Variants in CRYBG3 observed in about 807,000 individuals in gnomAD.
The protein encoded by CRYBG3 is very large A-kinase anchor protein.
CRYBG3 carries 127 observed loss-of-function variants against 244.2 expected under a neutral mutation model. That is an observed-to-expected ratio of 0.52 (90% CI 0.45 to 0.60). The LOEUF (loss-of-function observed/expected upper bound fraction) is 0.60, where lower values mean the gene tolerates loss of function less well. CRYBG3 is among the 20% of genes least tolerant of loss of function. The pLI is 0.00. For missense variants in CRYBG3, 3,325 were observed against 3,442.5 expected (o/e 0.97, Z 0.85); for synonymous variants, 1,132 against 1,195.8 (o/e 0.95, Z 1.10).
chr3:97,914,407 A>G (rs2039905102), intron 16 of CRYBG3, among the ~76,000 whole-genome samples: 1 of 152,160 alleles, frequency 6.6e-6, no homozygotes, highest in Admixed American at 6.6e-5. Flanking sequence ...CTGGAGGAAA[A>G]TGTATTTTTC....
At chr3:97,844,633 G>C (rs568595469) in intron 2 of CRYBG3, among the ~76,000 whole-genome samples, 9 of 151,982 alleles carry the variant, frequency 5.9e-5, no homozygotes, top group African/African-American at 2.2e-4. Context: ...GCTTATTTTA[G>C]CTATACTTTC....
chr3:97,902,495 A>T (rs905341480), intron 15 of CRYBG3, among the ~76,000 whole-genome samples: 13 of 82,378 alleles, frequency 1.6e-4, no homozygotes, highest in African/African-American at 4.4e-4. Flanking sequence ...TATTTCTTCT[A>T]AAAAAAAAAA....
intron 15 of CRYBG3, among the ~76,000 whole-genome samples, chr3:97,908,643 C>G (rs888545259): frequency 2.0e-5 from 3 of 152,158 alleles, no homozygotes. Context: ...ATGTGTGTCT[C>G]TGCACATGAG....
chr3:97,905,714 A>G (rs1267818301), intron 15 of CRYBG3, among the ~76,000 whole-genome samples: 3 of 132,198 alleles, frequency 2.3e-5, no homozygotes, highest in African/African-American at 5.4e-5. Context: ...CTCTGATGGT[A>G]GTTTCTTTTG....
intron 1 of CRYBG3, among the ~76,000 whole-genome samples, chr3:97,828,590 G>T (rs1446892691): frequency 6.6e-6 from 1 of 150,730 alleles, no homozygotes; most frequent in Admixed American, 6.6e-5. Context: ...ACTTTGGGAG[G>T]CCAAGGCGGG....
Position 97,853,905 on chromosome 3 carries a change from A to G in CRYBG3, c.217-10312A>G, listed in dbSNP as rs112236939. On this transcript the variant is annotated intron_variant, in intron 2 of 21. Transcript: ENST00000389622. ...TAGTGATGAACTCTCTGCCTAAGTC[A>G]ATGTCTGGAAGAGTCTTATGGATTT... 5.9e-5 allele frequency among the ~76,000 whole-genome samples: 9 copies of G among 152,226 alleles called. 1 individual carries two copies. Among genetic ancestry groups the G allele is most frequent in the African/African-American group, 2.2e-4 (9 of 41,544 alleles).
intron 9 of CRYBG3, 120 bp from the exon 10 acceptor site, chr3:97,889,231 TTGAC>T (rs1258114545): frequency 2.7e-6 from 2 of 743,134 alleles, no homozygotes; most frequent in Non-Finnish European, 2.2e-6. Flanking sequence ...CAATTTGAAT[TTGAC>T]TGGTGTGTAA....
intron 1 of CRYBG3, among the ~76,000 whole-genome samples, chr3:97,837,389 C>G (rs1171744178): frequency 6.6e-6 from 1 of 152,038 alleles, no homozygotes; most frequent in Non-Finnish European, 1.5e-5. Context: ...GTGAGTGGAC[C>G]AGGCTTCTGG....
At position 97,942,407 on chromosome 3, in the gene CRYBG3, T is replaced by G. The variant is rs1340829159; in HGVS notation, c.8788T>G (p.Ser2930Ala). Reference sequence around the variant, plus strand: ...ACTGAATAAAAATGGAACTATCAGCTCTTATCTCAGTGATCAACTTGTCCT... The same window carrying G: ...ACTGAATAAAAATGGAACTATCAGCGCTTATCTCAGTGATCAACTTGTCCT... ...WRLNKNGTISSYLSDQLVLDV... is the reference protein window; with the variant it reads ...WRLNKNGTISAYLSDQLVLDV... Residue 2930 changes from serine (S) to alanine (A), a missense_variant, in exon 21 of 22, where the codon TCT becomes GCT. This residue lies in a region of CRYBG3 where 714 missense variants were observed against 803.6 expected (regional missense o/e 0.89). Coordinates refer to ENST00000389622, the MANE Select transcript of CRYBG3 (RefSeq NM_153605.4). 1.9e-6 allele frequency: 3 copies of G among 1,611,640 alleles called. No homozygotes were observed. In the South Asian group the frequency reaches 3.3e-5, roughly 18 times the overall value.
intron 19 of CRYBG3, among the ~76,000 whole-genome samples, chr3:97,940,630 T>C (rs1283691834): frequency 1.3e-5 from 2 of 152,056 alleles, no homozygotes; most frequent in African/African-American, 2.4e-5. Context: ...TGGTCTCTAC[T>C]TTTGAAGAAA....
At chr3:97,912,866 A>AT (rs916001268) in intron 16 of CRYBG3, among the ~76,000 whole-genome samples, 4 of 152,094 alleles carry the variant, frequency 2.6e-5, no homozygotes. Context: ...ATATTCTACA[A>AT]TTTTTTTATT....
chr3:97,934,827 C>T (rs1408612753), intron 18 of CRYBG3, among the ~76,000 whole-genome samples: 7 of 152,204 alleles, frequency 4.6e-5, no homozygotes, highest in African/African-American at 1.7e-4. Flanking sequence ...TTTTACATCC[C>T]TGTGATATAG....
At chr3:97,848,661 A>G (rs560900027) in intron 2 of CRYBG3, among the ~76,000 whole-genome samples, 1 of 152,310 alleles carries the variant, frequency 6.6e-6, no homozygotes, top group Non-Finnish European at 1.5e-5. Flanking sequence ...CCTGGGCTCA[A>G]GCAATTCGCT....
At chr3:97,842,289 G>A (rs1014038942) in intron 1 of CRYBG3, among the ~76,000 whole-genome samples, 2 of 152,268 alleles carry the variant, frequency 1.3e-5, no homozygotes, top group East Asian at 3.9e-4. Flanking sequence ...GAAGCTGGGC[G>A]TAGTGACTCC....
chr3:97,839,206 TGG>T (rs1482043056), intron 1 of CRYBG3, among the ~76,000 whole-genome samples: 1 of 152,158 alleles, frequency 6.6e-6, no homozygotes, highest in Non-Finnish European at 1.5e-5. Flanking sequence ...GAACAGATTG[TGG>T]TCTCTCATGA....
chr3:97,904,651 C>A lies in CRYBG3; in HGVS notation c.8004+4166C>A, dbSNP rs1005063154. On this transcript the variant is annotated intron_variant, in intron 15 of 21. Transcript: ENST00000389622. Reference sequence around the variant, plus strand: ...AAGACAACCTGTCTCTCTTCTCATGCGGCTTTTCTTTTATTTTTATTTTTT... The same window carrying A: ...AAGACAACCTGTCTCTCTTCTCATGAGGCTTTTCTTTTATTTTTATTTTTT... Among the ~76,000 whole-genome samples, 2 of 150,696 alleles carry A rather than the reference C, an allele frequency of 1.3e-5. 1 individual carries two copies. Among genetic ancestry groups the A allele is most frequent in the South Asian group, 4.2e-4 (2 of 4,718 alleles).
At position 97,916,536 on chromosome 3, in the gene CRYBG3, A is replaced by C. The variant is rs831876; in HGVS notation, c.8241+800A>C. 2.5e-3 allele frequency among the ~76,000 whole-genome samples: 383 copies of C among 152,284 alleles called. 3 individuals carry two copies. In the East Asian group the frequency reaches 0.025, roughly 10 times the overall value. On this transcript the variant is annotated intron_variant, in intron 17 of 21. Transcript: ENST00000389622. ...GTAGTGAGGATCTGGGATACTTTCAAGATATCTAATTATGACAATTCCTTG... is the reference window on the plus strand; with the variant it reads ...GTAGTGAGGATCTGGGATACTTTCACGATATCTAATTATGACAATTCCTTG...
chr3:97,933,449 C>T (rs1372699236), intron 17 of CRYBG3: 2 of 545,426 alleles, frequency 3.7e-6, no homozygotes, highest in Non-Finnish European at 6.7e-6. Context: ...TTTATTATGG[C>T]TGTTTTTATT....
chr3:97,904,276 G>C (rs2039738804), intron 15 of CRYBG3, among the ~76,000 whole-genome samples: 1 of 152,114 alleles, frequency 6.6e-6, no homozygotes, highest in South Asian at 2.1e-4. Context: ...TGTAGAATTG[G>C]TCTAATTCTG....
Sources: allele counts gnomAD v4.1 joint callset (sites outside exome capture counted in the v4.1 genomes callset), GRCh38; gene constraint gnomAD v4.1.1; regional missense constraint gnomAD v4.1.1; transcripts MANE v1.5; gene names NCBI Gene and HGNC (gene_info 2026-07-23, HGNC 2026-07-21).